The following PLEKHA3 variants were observed in gnomAD, a reference collection of about 807,000 sequenced individuals.
PLEKHA3 encodes pleckstrin homology domain-containing family A member 3.
Under a neutral mutation model 39.2 loss-of-function variants are expected in PLEKHA3, and 19 were observed. The observed-to-expected ratio is 0.48, with a 90% CI of 0.34 to 0.71. PLEKHA3 has a LOEUF of 0.71. Among genes scored for constraint, PLEKHA3 ranks in the 30% least tolerant of loss-of-function variants. The pLI, the probability that PLEKHA3 is intolerant of heterozygous loss-of-function variation, is 0.01. For synonymous variants in PLEKHA3, 97 were observed against 118.6 expected, an observed-to-expected ratio of 0.82 and a Z score of 1.18; for missense variants, 253 against 359.5, an observed-to-expected ratio of 0.70 and a Z score of 2.40.
Position 178,495,523 on chromosome 2 carries a change from A to G in PLEKHA3, c.478A>G (p.Ser160Gly). Residue 160 changes from serine (S) to glycine (G), a missense_variant, in exon 5 of 8, where the codon AGT becomes GGT. This residue lies in a region of PLEKHA3 where 126 missense variants were observed against 222.7 expected (regional missense o/e 0.57). Transcript: ENST00000234453. Reference protein sequence around the residue: ...ENMNEASSLLSATCNTFITTL... With the variant: ...ENMNEASSLLGATCNTFITTL... ...CATGAATGAAGCCTCTTCTCTGCTT[A>G]GTGCCACGTGTAACACATTCATCAC... 3 of 1,614,000 alleles carry G rather than the reference A, an allele frequency of 1.9e-6. No individual in the cohort carries two copies. The highest frequency in any genetic ancestry group is 2.5e-6 in the Non-Finnish European group (3 of 1,179,986).
rs868029041 is a variant in PLEKHA3 at position 178,515,278 on chromosome 2, G to T, written c.*11391G>T. ...CTTGCCCTCTGGTTTTCAGAATTCT[G>T]TGTAGTTTCTCAACATTTCCTTTCT... On this transcript the variant is annotated 3_prime_UTR_variant, in exon 8 of 8. Coordinates refer to ENST00000234453, the MANE Select transcript of PLEKHA3 (RefSeq NM_019091.4). 4.6e-5 allele frequency: 7 copies of T among 152,004 alleles called. No homozygotes were observed. Among genetic ancestry groups the T allele is most frequent in the African/African-American group, 1.4e-4 (6 of 41,410 alleles). 9.4% of individuals were successfully genotyped at this position (152,004 alleles called of 1,614,324 possible). A position where few individuals can be genotyped will look rare whatever the true frequency, so the allele number is the denominator to read the frequency against.
intron 5 of PLEKHA3, among the ~76,000 whole-genome samples, chr2:178,498,806 G>A (rs916610942): frequency 2.0e-5 from 3 of 151,810 alleles, no homozygotes; most frequent in Non-Finnish European, 4.4e-5. Flanking sequence ...CTCTACTACT[G>A]TCCTTTAAAA....
chr2:178,484,697 C>T (rs1259484388), intron 1 of PLEKHA3, among the ~76,000 whole-genome samples: 1 of 152,208 alleles, frequency 6.6e-6, no homozygotes, highest in Non-Finnish European at 1.5e-5. Context: ...AGAACAAGGA[C>T]AGTCACACTG....
intron 3 of PLEKHA3, among the ~76,000 whole-genome samples, chr2:178,492,997 A>G (rs73973120): frequency 0.05 from 7,574 of 152,312 alleles, 594 homozygotes; most frequent in African/African-American, 0.17. Flanking sequence ...AGGTTAGATT[A>G]AATGCGCAGA....
Position 178,503,907 on chromosome 2 carries a change from T to G in PLEKHA3, c.*20T>G, listed in dbSNP as rs761379865. The stretch of plus-strand genomic sequence containing the variant: ...TCCTGAAGAAACTGAAGTGTCCAAC[T>G]TCCTCTAAGTATTGCTATGCAAAAG... On this transcript the variant is annotated 3_prime_UTR_variant, in exon 8 of 8. Transcript: ENST00000234453. 5 of 1,609,728 alleles carry G rather than the reference T, an allele frequency of 3.1e-6. No individual in the cohort carries two copies. The highest frequency in any genetic ancestry group is 1.3e-5 in the African/African-American group (1 of 74,778).
At chr2:178,481,974 T>C (rs1685173024) in intron 1 of PLEKHA3, 1 of 153,728 alleles carries the variant, frequency 6.5e-6, no homozygotes. Context: ...GTGCAAAATG[T>C]GCAGGTAAAC....
At chr2:178,482,077 A>G (rs1203966873) in intron 1 of PLEKHA3, 2 of 153,742 alleles carry the variant, frequency 1.3e-5, no homozygotes, top group African/African-American at 2.4e-5. Flanking sequence ...TGCTTTTAAC[A>G]TTTATGATAC....
At position 178,491,571 on chromosome 2, in the gene PLEKHA3, A is replaced by G. The variant is rs562843188; in HGVS notation, c.313+757A>G. ...TATCTTTTGACTTTACCATGTACGC[A>G]TATTGCCAATTCAAAAAGATTTTTA... On this transcript the variant is annotated intron_variant, in intron 3 of 7. Coordinates refer to ENST00000234453, the MANE Select transcript of PLEKHA3 (RefSeq NM_019091.4). 9.3e-4 allele frequency among the ~76,000 whole-genome samples: 141 copies of G among 152,364 alleles called. 1 individual carries two copies. Among genetic ancestry groups the G allele is most frequent in the African/African-American group, 3.4e-3 (140 of 41,594 alleles).
intron 4 of PLEKHA3, 111 bp from the exon 5 acceptor site, chr2:178,495,385 C>A: frequency 9.8e-7 from 1 of 1,020,984 alleles, no homozygotes; most frequent in Non-Finnish European, 1.4e-6. Context: ...TAAATTTGAA[C>A]ATAACATAGT....
At chr2:178,485,383 G>A (rs1348566495) in intron 1 of PLEKHA3, among the ~76,000 whole-genome samples, 1 of 152,180 alleles carries the variant, frequency 6.6e-6, no homozygotes, top group Non-Finnish European at 1.5e-5. Flanking sequence ...TTGTTAATGA[G>A]AACACTGTGA....
At chr2:178,498,843 G>A (rs1188740152) in intron 5 of PLEKHA3, among the ~76,000 whole-genome samples, 1 of 151,866 alleles carries the variant, frequency 6.6e-6, no homozygotes, top group Non-Finnish European at 1.5e-5. Flanking sequence ...AATATTTTGT[G>A]GCTTGCTAGA....
intron 2 of PLEKHA3, among the ~76,000 whole-genome samples, chr2:178,488,413 T>A (rs142185722): frequency 6.6e-6 from 1 of 152,368 alleles, no homozygotes; most frequent in East Asian, 1.9e-4. Flanking sequence ...TTCTTGAATG[T>A]TTATTGTTTT....
intron 1 of PLEKHA3, among the ~76,000 whole-genome samples, 189 bp from the exon 2 acceptor site, chr2:178,485,452 C>A (rs1199563006): frequency 2.6e-5 from 4 of 152,198 alleles, no homozygotes. Context: ...GCTCCAGAAA[C>A]CTCTCCCAAT....
rs975086708 is a variant in PLEKHA3, at chr2:178,508,150, A to G, written c.*4263A>G. On this transcript the variant is annotated 3_prime_UTR_variant, in exon 8 of 8. Coordinates refer to ENST00000234453, the MANE Select transcript of PLEKHA3 (RefSeq NM_019091.4). The stretch of plus-strand genomic sequence containing the variant: ...GTTCTATCTTTCTAGAATTTCTGTT[A>G]TTTGAATGTTGGACCTCCCAGAGTT... The G allele has an allele frequency of 6.6e-6, 1 of 150,560 alleles. No individual in the cohort carries two copies. The highest frequency in any genetic ancestry group is 1.5e-5 in the Non-Finnish European group (1 of 67,258). The allele number at this position is 150,560 out of a possible 1,614,324, so 9.3% of individuals were successfully genotyped here.
rs756409245 is a variant in PLEKHA3, at chr2:178,490,744, A to G, written c.243A>G (p.Arg81=). Residue 81 remains arginine (R), a synonymous_variant, in exon 3 of 8, where the codon AGA becomes AGG. Coordinates refer to ENST00000234453, the MANE Select transcript of PLEKHA3 (RefSeq NM_019091.4). ...TGAAGGCAGTGAATGCAGCTGAAAG[A>G]CAGAGGTGGCTGGTCGCTCTGGGGA... ...FYMKAVNAAE[R]QRWLVALGSS... is the part of the protein sequence containing the mutation. The G allele has an allele frequency of 2.5e-6, 4 of 1,614,058 alleles. No homozygotes were observed. The Admixed American group carries it at 6.7e-5, about 27-fold the overall frequency.
At chr2:178,503,635 A>C (rs1685563908) in intron 7 of PLEKHA3, 125 bp from the exon 8 acceptor site, 1 of 1,006,782 alleles carries the variant, frequency 9.9e-7, no homozygotes, top group Non-Finnish European at 1.4e-6. Flanking sequence ...AAACAAGGAA[A>C]TACAAAATTA....
In PLEKHA3 at chr2:178,493,973, C is replaced by T; in HGVS notation, c.434C>T (p.Ser145Leu). ...QEFVHHDENH[S>L]SPSAENMNEA... The stretch of plus-strand genomic sequence containing the variant: ...TTTGTTCACCATGATGAGAATCATT[C>T]ATCTCCTAGTGCAGAGGTAGAGCGA... Residue 145 changes from serine (S) to leucine (L), a missense_variant, in exon 4 of 8, where the codon TCA becomes TTA. Around this residue, in one of 2 missense-constraint regions of PLEKHA3, gnomAD observed 126 missense variants for 222.7 expected, o/e 0.57. Transcript: ENST00000234453. The T allele has an allele frequency of 1.2e-6, 2 of 1,613,898 alleles. No homozygotes were observed. Among genetic ancestry groups the T allele is most frequent in the Non-Finnish European group, 1.7e-6 (2 of 1,179,912 alleles).
At chr2:178,503,689 A>C (rs761453895) in intron 7 of PLEKHA3, 71 bp from the exon 8 acceptor site, 3 of 1,490,240 alleles carry the variant, frequency 2.0e-6, no homozygotes, top group Admixed American at 1.9e-5. Context: ...AGGAAATTTA[A>C]AATGTTCTTT....
At chr2:178,497,038 A>C (rs1685460340) in intron 5 of PLEKHA3, among the ~76,000 whole-genome samples, 1 of 151,994 alleles carries the variant, frequency 6.6e-6, no homozygotes, top group African/African-American at 2.4e-5. Flanking sequence ...CTCCTGCTTC[A>C]GCCTCCCAAA....
Sources: gnomAD v4.1 joint callset for allele counts (sites outside exome capture counted in the v4.1 genomes callset) on GRCh38, gnomAD v4.1.1 for gene constraint, gnomAD v4.1.1 regional missense constraint, MANE v1.5 for transcripts, NCBI Gene and HGNC (gene_info 2026-07-23, HGNC 2026-07-21) for gene names.